Variants in RIMS1 observed in about 807,000 individuals in gnomAD.
RIMS1 encodes the protein regulating synaptic membrane exocytosis 1.
RIMS1 carries 83 observed loss-of-function variants against 214.1 expected under a neutral mutation model. The ratio of observed to expected loss-of-function variants is 0.39; its 90% CI spans 0.32 to 0.47. RIMS1 has a LOEUF of 0.47. Among genes scored for constraint, RIMS1 ranks in the 20% least tolerant of loss-of-function variants. RIMS1 has a pLI of 0.99. For missense variants in RIMS1, 2,050 were observed against 2,161.8 expected, an observed-to-expected ratio of 0.95 and a Z score of 1.03; for synonymous variants, 793 against 786.8, an observed-to-expected ratio of 1.01 and a Z score of -0.13.
rs1217661127 is a variant in RIMS1 at position 72,261,536 on chromosome 6, C to T, written c.3116+769C>T. 7.6e-6 allele frequency: 7 copies of T among 921,718 alleles called. No homozygotes were observed. The East Asian group carries it at 7.1e-4, about 93-fold the overall frequency. The allele number at this position is 921,718 out of a possible 1,614,324, so 57.1% of individuals were successfully genotyped here. On this transcript the variant is annotated intron_variant, in intron 19 of 33. Transcript: ENST00000521978. Reference sequence around the variant, plus strand: ...ACTCATGGAACATATTCTATAAATACTTAATGTATATTTGAAATGAATATA... The same window carrying T: ...ACTCATGGAACATATTCTATAAATATTTAATGTATATTTGAAATGAATATA...
At chr6:71,943,306 C>A (rs1032618513) in intron 1 of RIMS1, among the ~76,000 whole-genome samples, 1 of 152,098 alleles carries the variant, frequency 6.6e-6, no homozygotes. Flanking sequence ...AACAAGATTC[C>A]TTTGGGAACA....
chr6:72,322,455 C>G (rs1036135056), intron 28 of RIMS1, among the ~76,000 whole-genome samples: 1 of 152,066 alleles, frequency 6.6e-6, no homozygotes, highest in Non-Finnish European at 1.5e-5. Flanking sequence ...CATAACTGGT[C>G]TAATTCTACC....
intron 9 of RIMS1, among the ~76,000 whole-genome samples, chr6:72,238,847 T>C (rs2065420033): frequency 6.6e-6 from 1 of 152,152 alleles, no homozygotes; most frequent in Non-Finnish European, 1.5e-5. Context: ...CAAAATATTC[T>C]AGGACTCTTA....
chr6:72,135,987 T>G (rs544854926), intron 4 of RIMS1, among the ~76,000 whole-genome samples: 1 of 152,168 alleles, frequency 6.6e-6, no homozygotes, highest in African/African-American at 2.4e-5. Flanking sequence ...TAACAAAGAT[T>G]TGCATACACC....
chr6:72,013,606 G>A (rs982679765), intron 2 of RIMS1, among the ~76,000 whole-genome samples: 2 of 152,188 alleles, frequency 1.3e-5, no homozygotes, highest in Admixed American at 6.5e-5. Flanking sequence ...GGAGACAGCA[G>A]TGACGTTTAT....
chr6:72,349,042 C>T (rs10485033), intron 29 of RIMS1, among the ~76,000 whole-genome samples: 28,939 of 151,810 alleles, frequency 0.19, 3,460 homozygotes, highest in South Asian at 0.27. Flanking sequence ...ACTGTAACTG[C>T]TTTTCAAGTA....
At chr6:72,378,418 T>C (rs2098427043) in intron 29 of RIMS1, among the ~76,000 whole-genome samples, 1 of 152,246 alleles carries the variant, frequency 6.6e-6, no homozygotes, top group African/African-American at 2.4e-5. Context: ...TTTTCTTAAT[T>C]TTCTTTGTGA....
chr6:71,895,054 T>C (rs149318249), intron 1 of RIMS1, among the ~76,000 whole-genome samples: 1,788 of 152,302 alleles, frequency 0.012, 13 homozygotes, highest in Non-Finnish European at 0.017. Context: ...TTAAGATATC[T>C]GTACTGTCAT....
At chr6:72,120,506 A>T (rs1342626344) in intron 4 of RIMS1, among the ~76,000 whole-genome samples, 1 of 151,594 alleles carries the variant, frequency 6.6e-6, no homozygotes, top group African/African-American at 2.4e-5. Flanking sequence ...GGGTTGTTTG[A>T]TTTTTATTGT....
intron 4 of RIMS1, among the ~76,000 whole-genome samples, chr6:72,107,333 A>G (rs1267575504): frequency 1.3e-5 from 2 of 152,118 alleles, no homozygotes; most frequent in Non-Finnish European, 2.9e-5. Context: ...GGCTGCGGGG[A>G]GTGGATCACC....
chr6:72,392,671 C>T (rs756262182), intron 30 of RIMS1, 27 bp from the exon 31 acceptor site: 1 of 1,500,706 alleles, frequency 6.7e-7, no homozygotes, highest in East Asian at 2.3e-5. Context: ...GGGTTTTTTC[C>T]TTTGGTTTTT....
At chr6:72,350,098 T>C (rs2097393997) in intron 29 of RIMS1, among the ~76,000 whole-genome samples, 1 of 152,114 alleles carries the variant, frequency 6.6e-6, no homozygotes, top group African/African-American at 2.4e-5. Context: ...GATCATTCTT[T>C]ATTCTCTTTC....
chr6:72,120,879 A>G (rs1562359339), intron 4 of RIMS1, among the ~76,000 whole-genome samples: 1 of 152,090 alleles, frequency 6.6e-6, no homozygotes. Context: ...ATAGCTAGCC[A>G]GTTTTCCCAG....
intron 1 of RIMS1, among the ~76,000 whole-genome samples, chr6:71,952,737 T>G (rs1741677170): frequency 6.6e-6 from 1 of 152,120 alleles, no homozygotes; most frequent in African/African-American, 2.4e-5. Flanking sequence ...AGGAGAAATA[T>G]GAATCTCAGG....
At chr6:72,366,857 G>C (rs1298345051) in intron 29 of RIMS1, 11 of 983,584 alleles carry the variant, frequency 1.1e-5, no homozygotes, top group Non-Finnish European at 1.3e-5. Context: ...ATTTTTTCAA[G>C]ATAGACAAGG....
intron 2 of RIMS1, among the ~76,000 whole-genome samples, chr6:72,019,923 T>C (rs1351621376): frequency 6.6e-6 from 1 of 152,178 alleles, no homozygotes; most frequent in Non-Finnish European, 1.5e-5. Flanking sequence ...TCCTTGAGGA[T>C]TGAGGGCATG....
intron 27 of RIMS1, 99 bp from the exon 28 acceptor site, chr6:72,313,407 C>A (rs1473442998): frequency 2.4e-5 from 24 of 989,918 alleles, no homozygotes; most frequent in Non-Finnish European, 3.4e-5. Flanking sequence ...TGAAGGTACA[C>A]CTTTATTTGG....
chr6:72,236,634 T>C (rs927488667), intron 8 of RIMS1, among the ~76,000 whole-genome samples: 1 of 152,166 alleles, frequency 6.6e-6, no homozygotes, highest in African/African-American at 2.4e-5. Flanking sequence ...GTCTTCTATG[T>C]ATATGCATTA....
intron 2 of RIMS1, among the ~76,000 whole-genome samples, chr6:72,003,328 T>A (rs527423944): frequency 6.6e-6 from 1 of 152,234 alleles, no homozygotes; most frequent in South Asian, 2.1e-4. Context: ...TTTCTATATT[T>A]CTTGGTATCC....
Sources: gnomAD v4.1 joint callset for allele counts (sites outside exome capture counted in the v4.1 genomes callset) on GRCh38, gnomAD v4.1.1 for gene constraint, MANE v1.5 for transcripts, NCBI Gene and HGNC (gene_info 2026-07-23, HGNC 2026-07-21) for gene names.